Variants in TRAPPC9 observed in about 807,000 individuals in gnomAD.
The protein encoded by TRAPPC9 is trafficking protein particle complex subunit 9, also known as IKK2 binding protein.
Under a neutral mutation model 124.0 loss-of-function variants are expected in TRAPPC9, and 83 were observed. The observed-to-expected ratio is 0.67, with a 90% CI of 0.56 to 0.80. The LOEUF (loss-of-function observed/expected upper bound fraction) is 0.80, where lower values mean the gene tolerates loss of function less well. Ranked by LOEUF, TRAPPC9 falls within the 30% of genes least tolerant of loss-of-function variation. TRAPPC9 has a pLI of 0.00. For missense variants in TRAPPC9, 1,302 were observed against 1,508.3 expected (o/e 0.86, Z 2.27); for synonymous variants, 638 against 617.5 (o/e 1.03, Z -0.49).
intron 17 of TRAPPC9, among the ~76,000 whole-genome samples, chr8:140,047,089 A>T (rs1841648606): frequency 1.3e-5 from 2 of 152,176 alleles, no homozygotes; most frequent in Admixed American, 1.3e-4. Flanking sequence ...CTCCCCAGAG[A>T]TTCTAGCCCA....
chr8:140,367,017 A>G (rs2068132892), intron 8 of TRAPPC9, among the ~76,000 whole-genome samples: 1 of 152,178 alleles, frequency 6.6e-6, no homozygotes, highest in South Asian at 2.1e-4. Flanking sequence ...AAGTAAAGCA[A>G]CGAGATACCA....
chr8:140,347,080 G>C (rs1303142180), intron 9 of TRAPPC9, among the ~76,000 whole-genome samples: 1 of 152,202 alleles, frequency 6.6e-6, no homozygotes, highest in Non-Finnish European at 1.5e-5. Flanking sequence ...CCAGCTCTGG[G>C]CCAGGCACGC....
At chr8:140,054,562 G>A (rs1470401881) in intron 17 of TRAPPC9, among the ~76,000 whole-genome samples, 1 of 151,888 alleles carries the variant, frequency 6.6e-6, no homozygotes, top group Non-Finnish European at 1.5e-5. Context: ...ATAGATTAGA[G>A]CAAAAATAAA....
At chr8:139,870,331 T>C (rs980226871) in intron 21 of TRAPPC9, among the ~76,000 whole-genome samples, 1 of 152,200 alleles carries the variant, frequency 6.6e-6, no homozygotes, top group Admixed American at 6.5e-5. Context: ...TGGGAGAATG[T>C]TTTAAAAATG....
At chr8:139,991,390 T>C (rs1837634864) in intron 18 of TRAPPC9, among the ~76,000 whole-genome samples, 1 of 152,192 alleles carries the variant, frequency 6.6e-6, no homozygotes, top group South Asian at 2.1e-4. Flanking sequence ...TTCTTTCTAA[T>C]TGTTGACATG....
chr8:140,333,743 A>G (rs1425052197), intron 9 of TRAPPC9, among the ~76,000 whole-genome samples: 1 of 152,264 alleles, frequency 6.6e-6, no homozygotes, highest in Non-Finnish European at 1.5e-5. Flanking sequence ...AGGTTTTACA[A>G]CGAAAAATCA....
chr8:140,401,538 A>G (rs1459966126), intron 6 of TRAPPC9, among the ~76,000 whole-genome samples: 1 of 152,234 alleles, frequency 6.6e-6, no homozygotes, highest in Non-Finnish European at 1.5e-5. Flanking sequence ...CGTGAGAATA[A>G]AAGTCATCAC....
chr8:139,744,783 G>A (rs566999849), intron 21 of TRAPPC9, among the ~76,000 whole-genome samples: 2 of 152,346 alleles, frequency 1.3e-5, no homozygotes, highest in African/African-American at 2.4e-5. Flanking sequence ...CCCTCAAGTC[G>A]AGAACAGCTC....
intron 19 of TRAPPC9, among the ~76,000 whole-genome samples, chr8:139,987,645 C>A (rs1837326345): frequency 1.3e-5 from 2 of 152,076 alleles, no homozygotes. Context: ...TGTTTGAAGT[C>A]TTCAGCAATT....
rs2063873218 is a variant in TRAPPC9 at position 140,242,156 on chromosome 8, G to C, written c.2431+10621C>G. On this transcript the variant is annotated intron_variant, in intron 16 of 22. Transcript: ENST00000438773. Reference sequence around the variant, plus strand: ...GCAGACAGAGAGAGAGAGAGAGAGAGAGAGAGAGGGAGACTGGGACCAGAT... The same window carrying C: ...GCAGACAGAGAGAGAGAGAGAGAGACAGAGAGAGGGAGACTGGGACCAGAT... 3.0e-5 allele frequency among the ~76,000 whole-genome samples: 4 copies of C among 134,000 alleles called. No individual in the cohort carries two copies. In the South Asian group the frequency reaches 9.6e-4, roughly 32 times the overall value. The allele number at this position is 134,000 out of a possible 152,430, so 87.9% of individuals were successfully genotyped here.
chr8:140,281,489 C>A (rs2065322147), intron 14 of TRAPPC9, among the ~76,000 whole-genome samples: 1 of 152,150 alleles, frequency 6.6e-6, no homozygotes, highest in Admixed American at 6.5e-5. Flanking sequence ...TTTAAGAGTT[C>A]TTAATGTGAA....
At chr8:140,044,706 T>C (rs1841478557) in intron 17 of TRAPPC9, among the ~76,000 whole-genome samples, 1 of 152,238 alleles carries the variant, frequency 6.6e-6, no homozygotes, top group Admixed American at 6.5e-5. Flanking sequence ...TTCAGAAGAT[T>C]ACAGCTTCTC....
intron 17 of TRAPPC9, among the ~76,000 whole-genome samples, chr8:140,030,741 G>A (rs1840448654): frequency 6.6e-6 from 1 of 152,196 alleles, no homozygotes; most frequent in African/African-American, 2.4e-5. Context: ...TATTCTGAAA[G>A]AAAGAAGCCA....
intron 15 of TRAPPC9, among the ~76,000 whole-genome samples, chr8:140,255,684 G>A (rs1470623853): frequency 2.6e-5 from 4 of 152,222 alleles, no homozygotes; most frequent in Non-Finnish European, 1.5e-5. Context: ...CCAGGCGTTC[G>A]AGGCCAGCCT....
chr8:139,735,708 G>T (rs1224522431), intron 21 of TRAPPC9, among the ~76,000 whole-genome samples: 1 of 151,828 alleles, frequency 6.6e-6, no homozygotes, highest in Non-Finnish European at 1.5e-5. Flanking sequence ...TGTGTGGGCT[G>T]CTGGGGCAGC....
At chr8:139,999,882 A>G (rs952408232) in intron 18 of TRAPPC9, among the ~76,000 whole-genome samples, 7 of 152,216 alleles carry the variant, frequency 4.6e-5, no homozygotes, top group African/African-American at 1.4e-4. Flanking sequence ...ATAAAATATG[A>G]TATATCAAAA....
At chr8:139,967,120 T>C (rs1835757058) in intron 19 of TRAPPC9, among the ~76,000 whole-genome samples, 2 of 152,132 alleles carry the variant, frequency 1.3e-5, no homozygotes, top group South Asian at 4.1e-4. Context: ...AGCCTCACCT[T>C]GTTGGGTTCT....
rs191095297 is a variant in TRAPPC9, at chr8:140,169,172, C to T, written c.2556+52287G>A. ...AAATAAAATTGCTATTAGTTTTTTA[C>T]AGTGAACATAGATAATATTTGAAAT... On this transcript the variant is annotated intron_variant, in intron 17 of 22. Transcript: ENST00000438773. Among the ~76,000 whole-genome samples the T allele has an allele frequency of 7.7e-4, 116 of 151,210 alleles. 1 individual carries two copies. The highest frequency in any genetic ancestry group is 3.9e-3 in the South Asian group (19 of 4,816).
chr8:139,886,870 G>A (rs1373719272), intron 20 of TRAPPC9, among the ~76,000 whole-genome samples: 4 of 152,184 alleles, frequency 2.6e-5, no homozygotes, highest in Admixed American at 6.5e-5. Flanking sequence ...AATCGCATTG[G>A]CCAACCCCAG....
Sources: gnomAD v4.1 joint callset for allele counts (sites outside exome capture counted in the v4.1 genomes callset) on GRCh38, gnomAD v4.1.1 for gene constraint, MANE v1.5 for transcripts, NCBI Gene and HGNC (gene_info 2026-07-23, HGNC 2026-07-21) for gene names.